Variants in CDC42SE2 observed in about 807,000 individuals in gnomAD.
The protein encoded by CDC42SE2 is CDC42 small effector protein 2.
Under a neutral mutation model 11.5 loss-of-function variants are expected in CDC42SE2, and 3 were observed. The ratio of observed to expected loss-of-function variants is 0.26; its 90% CI spans 0.12 to 0.67. The LOEUF is 0.67. Ranked by LOEUF, CDC42SE2 falls within the 30% of genes least tolerant of loss-of-function variation. The probability of loss-of-function intolerance (pLI) is 0.80; values close to 1 mark genes in which losing one functional copy is unlikely to be tolerated. For synonymous variants in CDC42SE2, 33 were observed against 34.8 expected, an observed-to-expected ratio of 0.95 and a Z score of 0.18; for missense variants, 82 against 106.8, an observed-to-expected ratio of 0.77 and a Z score of 1.02.
chr5:131,342,095 C>T (rs1758723609), intron 2 of CDC42SE2, among the ~76,000 whole-genome samples: 2 of 151,660 alleles, frequency 1.3e-5, no homozygotes, highest in South Asian at 4.2e-4. Context: ...TCCTGGCCAA[C>T]ATGGTGATAC....
intron 1 of CDC42SE2, among the ~76,000 whole-genome samples, chr5:131,273,147 AT>A (rs903208528): frequency 8.4e-5 from 12 of 143,352 alleles, no homozygotes; most frequent in Admixed American, 6.1e-4. Flanking sequence ...TATATTTTAC[AT>A]TTTTTTATAA....
At chr5:131,355,440 C>G (rs1251791208) in intron 2 of CDC42SE2, among the ~76,000 whole-genome samples, 2 of 151,504 alleles carry the variant, frequency 1.3e-5, no homozygotes, top group African/African-American at 4.9e-5. Flanking sequence ...TTGCTCCACT[C>G]CACTGCAGCC....
At chr5:131,248,215 C>CTACA (rs1481772470) in intron 1 of CDC42SE2, among the ~76,000 whole-genome samples, 1 of 152,098 alleles carries the variant, frequency 6.6e-6, no homozygotes, top group Non-Finnish European at 1.5e-5. Context: ...TCCCAGCTCA[C>CTACA]TACAACCTCT....
intron 1 of CDC42SE2, among the ~76,000 whole-genome samples, chr5:131,273,743 A>G (rs2149695622): frequency 6.6e-6 from 1 of 150,662 alleles, no homozygotes; most frequent in Non-Finnish European, 1.5e-5. Flanking sequence ...ACTGCACTCC[A>G]GCCTGGCGAC....
the CDC42SE2 span, among the ~76,000 whole-genome samples, chr5:131,213,261 C>G: frequency 6.6e-6 from 1 of 152,052 alleles, no homozygotes; most frequent in Non-Finnish European, 1.5e-5. Context: ...GGGGGGAAAG[C>G]TCTTTTTTGT....
chr5:131,293,536 C>A (rs555129411), intron 1 of CDC42SE2, among the ~76,000 whole-genome samples: 33 of 146,576 alleles, frequency 2.3e-4, no homozygotes, highest in African/African-American at 8.0e-4. Context: ...CAGGCCACTG[C>A]ACTCTAGCCT....
intron 1 of CDC42SE2, among the ~76,000 whole-genome samples, chr5:131,301,427 A>G (rs144341865): frequency 5.9e-5 from 9 of 152,280 alleles, no homozygotes; most frequent in East Asian, 3.9e-4. Context: ...AAACATCACT[A>G]TGTACCCCAT....
At position 131,247,028 on chromosome 5, in the gene CDC42SE2, G is replaced by A. The variant is rs766549586; in HGVS notation, n.107+1429G>A. Among the ~76,000 whole-genome samples the A allele has an allele frequency of 7.2e-5, 11 of 152,052 alleles. No homozygotes were observed. The South Asian group carries it at 8.3e-4, about 11-fold the overall frequency. On this transcript the variant is annotated intron_variant and non_coding_transcript_variant, in intron 1 of 3. Coordinates refer to the CDC42SE2 transcript ENST00000502840. ...CAAAGTGCTGGGATTACAAGCGTGCGCCCCCATGCCCAGTGCACCAATCCT... is the reference window on the plus strand; with the variant it reads ...CAAAGTGCTGGGATTACAAGCGTGCACCCCCATGCCCAGTGCACCAATCCT...
intron 2 of CDC42SE2, among the ~76,000 whole-genome samples, chr5:131,353,245 G>A (rs898735778): frequency 1.3e-5 from 2 of 151,998 alleles, no homozygotes; most frequent in African/African-American, 4.8e-5. Context: ...TGGGATTACA[G>A]GCGTGAATCA....
chr5:131,273,183 T>C (rs1239120421), intron 1 of CDC42SE2, among the ~76,000 whole-genome samples: 1 of 147,484 alleles, frequency 6.8e-6, no homozygotes, highest in East Asian at 2.0e-4. Context: ...TGAGATAGAG[T>C]CTTGCTCTGT....
intron 1 of CDC42SE2, among the ~76,000 whole-genome samples, chr5:131,266,248 A>G (rs1257320564): frequency 6.6e-6 from 1 of 152,116 alleles, no homozygotes; most frequent in Non-Finnish European, 1.5e-5. Flanking sequence ...TATTTTATTT[A>G]TTTCAGGAAT....
chr5:131,348,196 A>C (rs1448017074), intron 2 of CDC42SE2, among the ~76,000 whole-genome samples: 1 of 152,222 alleles, frequency 6.6e-6, no homozygotes, highest in Non-Finnish European at 1.5e-5. Flanking sequence ...GAAAAGAGGA[A>C]GTCAAATTGT....
chr5:131,214,673 T>A, the CDC42SE2 span, among the ~76,000 whole-genome samples: 1 of 152,174 alleles, frequency 6.6e-6, no homozygotes, highest in Non-Finnish European at 1.5e-5. Context: ...TCAGTGCAGC[T>A]GCAGTGGGGG....
chr5:131,392,625 T>A lies in CDC42SE2; in HGVS notation c.*1534T>A, dbSNP rs1359401953. 1 of 152,366 alleles carries A rather than the reference T, an allele frequency of 6.6e-6. No individual in the cohort carries two copies. Among genetic ancestry groups the A allele is most frequent in the Non-Finnish European group, 1.5e-5 (1 of 68,042 alleles). The allele number at this position is 152,366 out of a possible 1,614,324, so 9.4% of individuals were successfully genotyped here. On this transcript the variant is annotated 3_prime_UTR_variant, in exon 5 of 5. Coordinates refer to ENST00000505065, the MANE Select transcript of CDC42SE2 (RefSeq NM_001375635.1). ...TATTTATTTTGAGAGCAAGGACCTG[T>A]GGTTGTAAACAGGTGTGGTTACAGG...
chr5:131,246,824 A>G (rs1266557447), intron 1 of CDC42SE2, among the ~76,000 whole-genome samples: 1 of 150,080 alleles, frequency 6.7e-6, no homozygotes, highest in Non-Finnish European at 1.5e-5. Context: ...GCTCACCACA[A>G]TCTCTGCCTC....
chr5:131,373,154 G>C (rs1456153430), intron 3 of CDC42SE2, among the ~76,000 whole-genome samples: 1 of 152,176 alleles, frequency 6.6e-6, no homozygotes, highest in Admixed American at 6.5e-5. Flanking sequence ...AAGAGAGGAT[G>C]TTGGACTGGG....
intron 1 of CDC42SE2, among the ~76,000 whole-genome samples, chr5:131,265,364 A>T (rs1394005994): frequency 1.3e-5 from 2 of 152,174 alleles, no homozygotes; most frequent in Non-Finnish European, 2.9e-5. Context: ...TTTCTGTTTC[A>T]TTATGAATAA....
chr5:131,216,365 G>C, the CDC42SE2 span, among the ~76,000 whole-genome samples: 923 of 152,010 alleles, frequency 6.1e-3, 9 homozygotes, highest in African/African-American at 0.021. Flanking sequence ...AGCCGGGCAT[G>C]GTGGTGTGTG....
chr5:131,382,558 C>A (rs945323229), intron 3 of CDC42SE2, among the ~76,000 whole-genome samples: 4 of 152,210 alleles, frequency 2.6e-5, no homozygotes, highest in African/African-American at 7.2e-5. Flanking sequence ...GATCAAGACT[C>A]CTCCTAGTGG....
Sources: gnomAD v4.1 joint callset for allele counts (sites outside exome capture counted in the v4.1 genomes callset) on GRCh38, gnomAD v4.1.1 for gene constraint, MANE v1.5 for transcripts, NCBI Gene and HGNC (gene_info 2026-07-23, HGNC 2026-07-21) for gene names.